Variants in LRMDA observed in about 807,000 individuals in gnomAD.
The protein encoded by LRMDA is leucine rich melanocyte differentiation associated.
A neutral mutation model predicts 29.8 loss-of-function variants in LRMDA; 18 were observed. That is an observed-to-expected ratio of 0.60 (90% CI 0.42 to 0.90). The LOEUF is 0.90. Ranked by LOEUF, LRMDA falls within the 40% of genes least tolerant of loss-of-function variation. The probability of loss-of-function intolerance (pLI) is 0.00; values close to 1 mark genes in which losing one functional copy is unlikely to be tolerated. For missense variants in LRMDA, 273 were observed against 273.9 expected, an observed-to-expected ratio of 1.00 and a Z score of 0.02; for synonymous variants, 125 against 109.4, an observed-to-expected ratio of 1.14 and a Z score of -0.89.
At chr10:76,140,184 G>A (rs74150515) in intron 5 of LRMDA, among the ~76,000 whole-genome samples, 20,614 of 151,938 alleles carry the variant, frequency 0.14, 1,547 homozygotes, top group East Asian at 0.24. Context: ...TAGGAGAAGC[G>A]CCGACAACAG....
At chr10:75,875,828 G>A (rs900646200) in intron 2 of LRMDA, among the ~76,000 whole-genome samples, 2 of 152,160 alleles carry the variant, frequency 1.3e-5, no homozygotes, top group African/African-American at 4.8e-5. Context: ...GCAGTGATTG[G>A]ACTCTGTTGG....
chr10:75,521,201 A>G (rs186261185), intron 2 of LRMDA, among the ~76,000 whole-genome samples: 1 of 152,208 alleles, frequency 6.6e-6, no homozygotes, highest in Non-Finnish European at 1.5e-5. Context: ...CCATTCTCAG[A>G]GCTCAAACGC....
At chr10:75,993,436 A>G (rs1432931155) in intron 2 of LRMDA, among the ~76,000 whole-genome samples, 1 of 152,176 alleles carries the variant, frequency 6.6e-6, no homozygotes, top group Non-Finnish European at 1.5e-5. Flanking sequence ...CCCATTTTGC[A>G]GTTAAACAAT....
chr10:75,804,333 C>G (rs1276928884), intron 2 of LRMDA, among the ~76,000 whole-genome samples: 1 of 152,204 alleles, frequency 6.6e-6, no homozygotes. Context: ...GTCGATAGCT[C>G]TCACCACATT....
chr10:75,851,648 T>C (rs1464929836), intron 2 of LRMDA, among the ~76,000 whole-genome samples: 2 of 152,226 alleles, frequency 1.3e-5, no homozygotes, highest in Admixed American at 6.5e-5. Flanking sequence ...CCCATTGAAA[T>C]TGGCCATCAG....
intron 2 of LRMDA, among the ~76,000 whole-genome samples, chr10:75,670,253 T>C (rs1022615366): frequency 3.3e-5 from 5 of 152,258 alleles, no homozygotes; most frequent in Admixed American, 6.5e-5. Flanking sequence ...TTGCAATGTA[T>C]GTTTACTTTG....
intron 2 of LRMDA, among the ~76,000 whole-genome samples, chr10:75,530,594 A>G (rs1222073013): frequency 1.3e-5 from 2 of 152,128 alleles, no homozygotes; most frequent in Non-Finnish European, 2.9e-5. Flanking sequence ...GTGTGTATTT[A>G]ACTTCTTTAG....
intron 2 of LRMDA, among the ~76,000 whole-genome samples, chr10:75,819,141 G>C (rs905891027): frequency 6.6e-6 from 1 of 152,188 alleles, no homozygotes; most frequent in African/African-American, 2.4e-5. Context: ...AAATTGTAGT[G>C]AGAGCTCTTT....
intron 2 of LRMDA, among the ~76,000 whole-genome samples, chr10:75,933,865 A>G (rs1846243971): frequency 6.6e-6 from 1 of 152,180 alleles, no homozygotes; most frequent in Admixed American, 6.5e-5. Flanking sequence ...TTGTGGTTTT[A>G]GAAGACTGCT....
intron 5 of LRMDA, among the ~76,000 whole-genome samples, chr10:76,323,790 G>A (rs1174224424): frequency 1.3e-5 from 2 of 152,094 alleles, no homozygotes; most frequent in Non-Finnish European, 2.9e-5. Context: ...TTTCTTTTAG[G>A]CCTTGGAGTG....
chr10:75,596,666 T>C (rs554488456), intron 2 of LRMDA, among the ~76,000 whole-genome samples: 1 of 152,330 alleles, frequency 6.6e-6, no homozygotes, highest in African/African-American at 2.4e-5. Flanking sequence ...ATCTTGAACA[T>C]TGATCATCCT....
chr10:75,481,537 A>G (rs1844855896), intron 2 of LRMDA, among the ~76,000 whole-genome samples: 1 of 152,172 alleles, frequency 6.6e-6, no homozygotes, highest in Non-Finnish European at 1.5e-5. Context: ...CTTCATCTTC[A>G]TCAACAACCA....
At chr10:76,395,021 G>T (rs1841767372) in intron 6 of LRMDA, among the ~76,000 whole-genome samples, 2 of 152,186 alleles carry the variant, frequency 1.3e-5, no homozygotes. Flanking sequence ...TCTAAGAAGA[G>T]TAGGCTTTTG....
At chr10:76,208,496 A>T (rs561484493) in intron 5 of LRMDA, among the ~76,000 whole-genome samples, 328 of 152,320 alleles carry the variant, frequency 2.2e-3, no homozygotes, top group Non-Finnish European at 3.8e-3. Context: ...CCCGGAGCCC[A>T]GTGGAACTGA....
chr10:75,465,567 C>T (rs559409533), intron 2 of LRMDA, among the ~76,000 whole-genome samples: 2 of 152,106 alleles, frequency 1.3e-5, no homozygotes, highest in East Asian at 1.9e-4. Flanking sequence ...AGAAACATGT[C>T]GGTGGTAATG....
At chr10:75,568,755 C>A (rs569500961) in intron 2 of LRMDA, among the ~76,000 whole-genome samples, 5 of 152,314 alleles carry the variant, frequency 3.3e-5, no homozygotes, top group Admixed American at 3.3e-4. Context: ...TTTAAGATGA[C>A]ACAATTAAGA....
chr10:76,217,044 T>A (rs1042757230), intron 5 of LRMDA, among the ~76,000 whole-genome samples: 8 of 152,188 alleles, frequency 5.3e-5, no homozygotes, highest in Non-Finnish European at 8.8e-5. Flanking sequence ...CCATACCAGA[T>A]GCATTTAAAC....
At chr10:76,158,565 G>T (rs950073803) in intron 5 of LRMDA, among the ~76,000 whole-genome samples, 2 of 152,014 alleles carry the variant, frequency 1.3e-5, no homozygotes, top group African/African-American at 4.8e-5. Flanking sequence ...AAACAACAAA[G>T]AATTAATAAA....
At chr10:76,051,053 T>C (rs1041457949) in intron 4 of LRMDA, among the ~76,000 whole-genome samples, 2 of 152,230 alleles carry the variant, frequency 1.3e-5, no homozygotes, top group Non-Finnish European at 2.9e-5. Flanking sequence ...ACCCTTTCTT[T>C]GTTCCCCTGC....
Sources: gnomAD v4.1 joint callset for allele counts (sites outside exome capture counted in the v4.1 genomes callset) on GRCh38, gnomAD v4.1.1 for gene constraint, MANE v1.5 for transcripts, NCBI Gene and HGNC (gene_info 2026-07-23, HGNC 2026-07-21) for gene names.